The following CD24 variants were observed in gnomAD, a reference collection of about 807,000 sequenced individuals.
The protein encoded by CD24 is CD24 molecule, also known as signal transducer CD24.
A neutral mutation model predicts 3.6 loss-of-function variants in CD24; 2 were observed. The observed-to-expected ratio is 0.56, with a 90% CI of 0.23 to 1.77. CD24 has a LOEUF of 1.77. Ranked by LOEUF, CD24 falls within the 40% of genes most tolerant of loss-of-function variation. The pLI is 0.18. For synonymous variants in CD24, 33 were observed against 44.9 expected (o/e 0.74, Z 1.06); for missense variants, 62 against 93.6 (o/e 0.66, Z 1.39).
At chr6:106,974,429 T>A in intron 1 of CD24, 149 bp downstream of exon 1, 1 of 529,532 alleles carries the variant, frequency 1.9e-6, no homozygotes, top group South Asian at 2.8e-5. Context: ...CACATGGCCC[T>A]CTCCCCTGGT....
chr6:106,973,903 A>G (rs1182819971), intron 1 of CD24: 3 of 398,404 alleles, frequency 7.5e-6, no homozygotes, highest in Non-Finnish European at 1.3e-5. Context: ...CCCCAGAACT[A>G]GCCAATCTGG....
At chr6:106,974,762 A>T, upstream of CD24, 1 of 1,078,060 alleles carries the variant, frequency 9.3e-7, no homozygotes. Context: ...GACCTTATAT[A>T]CCAGGAAAGC....
At position 106,970,465 on chromosome 6, in the gene CD24, A is replaced by G. The variant is rs1269679014; in HGVS notation, c.*1196T>C. ...TTCAAGATTTGCAATTTTGCCTTCA[A>G]AACAGATCATTTTTTTAAATTGTAA... is the stretch of plus-strand genomic sequence containing the variant. On this transcript the variant is annotated 3_prime_UTR_variant, in exon 2 of 2. Coordinates refer to ENST00000606017, the MANE Select transcript of CD24 (RefSeq NM_001359084.1). 6.6e-6 allele frequency: 1 copy of G among 152,646 alleles called. No homozygotes were observed. Among genetic ancestry groups the G allele is most frequent in the East Asian group, 1.9e-4 (1 of 5,200 alleles). The allele number at this position is 152,646 out of a possible 1,614,324, so 9.5% of individuals were successfully genotyped here.
In CD24 at chr6:106,970,716, G is replaced by A. The variant is rs2114896689; in HGVS notation, c.*945C>T. 1 of 152,154 alleles carries A rather than the reference G, an allele frequency of 6.6e-6. No homozygotes were observed. Among genetic ancestry groups the A allele is most frequent in the East Asian group, 1.9e-4 (1 of 5,200 alleles). The allele number at this position is 152,154 out of a possible 1,614,324, so 9.4% of individuals were successfully genotyped here. A position where few individuals can be genotyped will look rare whatever the true frequency, so the allele number is the denominator to read the frequency against. On this transcript the variant is annotated 3_prime_UTR_variant, in exon 2 of 2. Coordinates refer to ENST00000606017, the MANE Select transcript of CD24 (RefSeq NM_001359084.1). ...AATCCCAGCTACTTGGGAGGCTGAGGCAGGAGAATCGCTTGAGCCCGGGAG... is the reference window on the plus strand; with the variant it reads ...AATCCCAGCTACTTGGGAGGCTGAGACAGGAGAATCGCTTGAGCCCGGGAG...
intron 1 of CD24, among the ~76,000 whole-genome samples, 199 bp from the exon 2 acceptor site, chr6:106,972,033 A>G (rs1478595595): frequency 6.6e-6 from 1 of 152,204 alleles, no homozygotes; most frequent in Non-Finnish European, 1.5e-5. Context: ...CTACCTAGAG[A>G]TGCCTCAAAA....
chr6:106,976,808 AG>A (rs1226158993), upstream of CD24, among the ~76,000 whole-genome samples: 1 of 152,176 alleles, frequency 6.6e-6, no homozygotes, highest in African/African-American at 2.4e-5. Flanking sequence ...TGGAGGTTGC[AG>A]TGAGCAGAGA....
upstream of CD24, chr6:106,975,309 C>A (rs1170751999): frequency 6.6e-6 from 1 of 152,082 alleles, no homozygotes; most frequent in Non-Finnish European, 1.5e-5. Context: ...TATCTCTCGG[C>A]CCGCCGCAGA....
At chr6:106,973,345 G>GAGAA (rs1773018519) in intron 1 of CD24, 1 of 291,736 alleles carries the variant, frequency 3.4e-6, no homozygotes, top group African/African-American at 2.2e-5. Flanking sequence ...TCTGGTCGGA[G>GAGAA]AGAAGATGGG....
At position 106,974,719 on chromosome 6, in the gene CD24, G is replaced by A. The variant is rs1239297858; in HGVS notation, c.-73C>T. ...GGAGAACCGCTGGCTCCGGGCGGGC[G>A]CAGGCAAGGTGGGGAGCGCGGCGAG... On this transcript the variant is annotated 5_prime_UTR_variant, in exon 1 of 2. Transcript: ENST00000606017. 10 of 1,450,430 alleles carry A rather than the reference G, an allele frequency of 6.9e-6. No homozygotes were observed. The highest frequency in any genetic ancestry group is 1.5e-5 in the African/African-American group (1 of 67,722). The allele number at this position is 1,450,430 out of a possible 1,614,324, so 89.8% of individuals were successfully genotyped here.
chr6:106,973,489 G>A (rs898967908), intron 1 of CD24: 61 of 396,286 alleles, frequency 1.5e-4, no homozygotes, highest in African/African-American at 1.2e-3. Context: ...GGGGAAGCGC[G>A]TTCCACACTC....
chr6:106,971,359 T>C lies in CD24; in HGVS notation c.*302A>G, dbSNP rs1772967757. The stretch of plus-strand genomic sequence containing the variant: ...TTTTCAAGGTAGTATTAAGTGTCCA[T>C]ATTTCTCAAGCCACATTCAAGGAAA... On this transcript the variant is annotated 3_prime_UTR_variant, in exon 2 of 2. Transcript: ENST00000606017. 1 of 338,278 alleles carries C rather than the reference T, an allele frequency of 3.0e-6. No individual in the cohort carries two copies. The highest frequency in any genetic ancestry group is 3.2e-5 in the South Asian group (1 of 31,438). The allele number at this position is 338,278 out of a possible 1,614,324, so 21.0% of individuals were successfully genotyped here.
chr6:106,975,796 A>AT (rs1177869422), upstream of CD24, among the ~76,000 whole-genome samples: 3 of 152,026 alleles, frequency 2.0e-5, no homozygotes, highest in African/African-American at 7.2e-5. Flanking sequence ...TCCCACTACA[A>AT]TTCACCGTCC....
At chr6:106,975,823 G>A (rs1773100035), upstream of CD24, among the ~76,000 whole-genome samples, 1 of 152,238 alleles carries the variant, frequency 6.6e-6, no homozygotes, top group African/African-American at 2.4e-5. Context: ...AATTCCTGGG[G>A]ATACACTTTT....
At chr6:106,972,747 G>C (rs1562255746) in intron 1 of CD24, among the ~76,000 whole-genome samples, 1 of 152,146 alleles carries the variant, frequency 6.6e-6, no homozygotes, top group South Asian at 2.1e-4. Context: ...CTGCAAGGGA[G>C]GGTTTACAAG....
At chr6:106,972,184 A>G (rs1236941657) in intron 1 of CD24, among the ~76,000 whole-genome samples, 3 of 152,216 alleles carry the variant, frequency 2.0e-5, no homozygotes, top group African/African-American at 7.2e-5. Flanking sequence ...AATAAGGTCT[A>G]TTTTCCCAGA....
intron 1 of CD24, chr6:106,973,317 A>G (rs1167017524): frequency 4.3e-6 from 1 of 230,712 alleles, no homozygotes; most frequent in African/African-American, 2.3e-5. Context: ...TCTCACTTAC[A>G]ATGTTGGAGG....
chr6:106,976,548 T>C (rs1225307856), upstream of CD24, among the ~76,000 whole-genome samples: 1 of 152,166 alleles, frequency 6.6e-6, no homozygotes, highest in Non-Finnish European at 1.5e-5. Context: ...TACCACATTA[T>C]ATAGAAATAC....
At chr6:106,974,557 C>A (rs1773057696) in intron 1 of CD24, 21 bp downstream of exon 1, 1 of 1,402,426 alleles carries the variant, frequency 7.1e-7, no homozygotes, top group Non-Finnish European at 9.3e-7. Flanking sequence ...CCTCGAGCCC[C>A]GCCGGGCGCC....
At chr6:106,974,800 G>GCCCA, upstream of CD24, 1 of 660,454 alleles carries the variant, frequency 1.5e-6, no homozygotes, top group East Asian at 3.6e-5. Context: ...GGCGCCGCCC[G>GCCCA]CCCACCCCGG....
Sources: allele counts gnomAD v4.1 joint callset (sites outside exome capture counted in the v4.1 genomes callset), GRCh38; gene constraint gnomAD v4.1.1; transcripts MANE v1.5; gene names NCBI Gene and HGNC (gene_info 2026-07-23, HGNC 2026-07-21).